Variants in BBOF1 observed in about 807,000 individuals in gnomAD.
The protein encoded by BBOF1 is basal body orientation factor 1.
Under a neutral mutation model 68.0 loss-of-function variants are expected in BBOF1, and 62 were observed. The observed-to-expected ratio is 0.91, with a 90% CI of 0.74 to 1.13. BBOF1 has a LOEUF of 1.13. BBOF1 is among the 50% of genes most tolerant of loss of function. BBOF1 has a pLI of 0.00. For synonymous variants in BBOF1, 208 were observed against 198.8 expected (o/e 1.05, Z -0.39); for missense variants, 534 against 600.1 (o/e 0.89, Z 1.15).
At chr14:74,070,923 GA>G (rs2060540459), downstream of BBOF1, 1 of 452,860 alleles carries the variant, frequency 2.2e-6, no homozygotes, top group Non-Finnish European at 4.1e-6. Context: ...TCACACTGAA[GA>G]AAAAAGTTTC....
chr14:74,066,766 A>G (rs774455890), downstream of BBOF1: 2 of 1,613,878 alleles, frequency 1.2e-6, no homozygotes, highest in African/African-American at 2.7e-5. Flanking sequence ...TTTCACTTTA[A>G]TTTTTCGTCC....
intron 8 of BBOF1, 94 bp downstream of exon 8, chr14:74,050,289 AG>A: frequency 5.1e-6 from 7 of 1,372,870 alleles, no homozygotes; most frequent in Non-Finnish European, 6.9e-6. Context: ...ATAATATTCA[AG>A]TATTGAATAG....
chr14:74,025,905 TG>T (rs202166090), intron 2 of BBOF1, among the ~76,000 whole-genome samples: 30 of 136,074 alleles, frequency 2.2e-4, no homozygotes, highest in South Asian at 9.3e-4. Flanking sequence ...AGTGGCGGGG[TG>T]GGGGGGGTGC....
At position 74,040,593 on chromosome 14, in the gene BBOF1, G is replaced by A. The variant is rs765118998; in HGVS notation, c.524G>A (p.Arg175Gln). 35 of 1,593,664 alleles carry A rather than the reference G, an allele frequency of 2.2e-5. No individual in the cohort carries two copies. The highest frequency in any genetic ancestry group is 1.7e-4 in the Middle Eastern group (1 of 6,004). ...DLKENLRNTE[R>Q]IHQETLRRLE... ...AAAGAGAATTTAAGAAACACAGAGC[G>A]GATACATCAGGAGACTCTTAGAAGA... Residue 175 changes from arginine (R) to glutamine (Q), a missense_variant, in exon 5 of 12, where the codon CGG becomes CAG. Physicochemically the swap from Arg to Gln is conservative, Grantham distance 43. Transcript: ENST00000394009.
chr14:74,075,037 T>C, intron 9 of BBOF1: 3 of 1,612,152 alleles, frequency 1.9e-6, no homozygotes, highest in East Asian at 2.2e-5. Flanking sequence ...AAAAGAACGA[T>C]TATTTTGATA....
At chr14:74,042,108 C>T (rs1028485218) in intron 5 of BBOF1, among the ~76,000 whole-genome samples, 1 of 152,208 alleles carries the variant, frequency 6.6e-6, no homozygotes, top group Non-Finnish European at 1.5e-5. Context: ...CTCCTGGGCT[C>T]CAGCAATCCT....
intron 10 of BBOF1, among the ~76,000 whole-genome samples, chr14:74,078,531 T>C (rs2060637261): frequency 6.6e-6 from 1 of 151,936 alleles, no homozygotes; most frequent in African/African-American, 2.4e-5. Context: ...TTTGCTTTTA[T>C]TATTTTATTT....
At chr14:74,066,164 AG>A (rs1389779797), downstream of BBOF1, 7 of 163,732 alleles carry the variant, frequency 4.3e-5, no homozygotes, top group African/African-American at 1.7e-4. Flanking sequence ...GCCATAAGCT[AG>A]GCAGCAAGAG....
chr14:74,064,736 G>GTCCCTTCC lies in BBOF1; in HGVS notation c.*39_*46dup. 2.5e-6 allele frequency: 4 copies of GTCCCTTCC among 1,612,616 alleles called. No homozygotes were observed. Among genetic ancestry groups the GTCCCTTCC allele is most frequent in the Non-Finnish European group, 3.4e-6 (4 of 1,178,608 alleles). Reference sequence around the variant, plus strand: ...TATGACCTCACAGATGCTGCTGGCAGTCCCTTCCTTGCAGAATCCTTGCTC... The same window carrying GTCCCTTCC: ...TATGACCTCACAGATGCTGCTGGCAGTCCCTTCCTCCCTTCCTTGCAGAATCCTTGCTC... On this transcript the variant is annotated 3_prime_UTR_variant, in exon 12 of 12. Transcript: ENST00000394009.
chr14:74,019,474 C>G lies in BBOF1; in HGVS notation c.-5C>G, dbSNP rs781751834. The G allele has an allele frequency of 2.9e-5, 46 of 1,603,198 alleles. No individual in the cohort carries two copies. The highest frequency in any genetic ancestry group is 8.5e-5 in the Admixed American group (5 of 58,674). Reference sequence around the variant, plus strand: ...TACGACAGCGGAGCCCCTGGGGAAGCCAAGATGCCGTCGAAGGGAAAGGAC... The same window carrying G: ...TACGACAGCGGAGCCCCTGGGGAAGGCAAGATGCCGTCGAAGGGAAAGGAC... On this transcript the variant is annotated 5_prime_UTR_variant, in exon 1 of 12. Coordinates refer to ENST00000394009, the MANE Select transcript of BBOF1 (RefSeq NM_025057.3).
intron 11 of BBOF1, chr14:74,057,562 T>C (rs1566820300): frequency 8.3e-6 from 11 of 1,331,486 alleles, no homozygotes; most frequent in Non-Finnish European, 1.1e-5. Flanking sequence ...ATAGTGACCT[T>C]GTGACTCTTA....
intron 1 of BBOF1, among the ~76,000 whole-genome samples, chr14:74,021,978 A>G (rs914324551): frequency 6.6e-6 from 1 of 152,088 alleles, no homozygotes; most frequent in Admixed American, 6.6e-5. Context: ...TTATACTACC[A>G]ATGGGTATCA....
At chr14:74,022,158 A>G (rs2059316655) in intron 1 of BBOF1, among the ~76,000 whole-genome samples, 1 of 152,066 alleles carries the variant, frequency 6.6e-6, no homozygotes, top group Non-Finnish European at 1.5e-5. Flanking sequence ...AGGATACTTG[A>G]GCCCAGAAGT....
chr14:74,057,303 C>A, intron 11 of BBOF1, 45 bp downstream of exon 11: 1 of 1,613,078 alleles, frequency 6.2e-7, no homozygotes. Flanking sequence ...TGTTGTCACC[C>A]TTCCCCATGT....
At chr14:74,082,398 T>G (rs1293704805) in intron 12 of BBOF1, among the ~76,000 whole-genome samples, 3 of 135,936 alleles carry the variant, frequency 2.2e-5, no homozygotes, top group Non-Finnish European at 3.2e-5. Context: ...TCGAGGTTTT[T>G]TTTTTTTTTT....
At chr14:74,037,997 C>T (rs2059748079) in intron 4 of BBOF1, among the ~76,000 whole-genome samples, 2 of 141,584 alleles carry the variant, frequency 1.4e-5, no homozygotes, top group African/African-American at 2.7e-5. Flanking sequence ...TGTATGTTCC[C>T]ATAGCATTTT....
At chr14:74,034,625 C>T (rs928161584) in intron 4 of BBOF1, among the ~76,000 whole-genome samples, 1 of 152,194 alleles carries the variant, frequency 6.6e-6, no homozygotes, top group African/African-American at 2.4e-5. Flanking sequence ...TTTCTGTGCT[C>T]TTTCTCTTAC....
intron 2 of BBOF1, among the ~76,000 whole-genome samples, chr14:74,028,362 C>CTATA (rs1373312965): frequency 6.6e-6 from 1 of 151,686 alleles, no homozygotes; most frequent in Non-Finnish European, 1.5e-5. Flanking sequence ...GAGTGAGACT[C>CTATA]TGTCTCAAAA....
At chr14:74,080,361 ACT>A (rs2060658219) in intron 10 of BBOF1, among the ~76,000 whole-genome samples, 1 of 135,170 alleles carries the variant, frequency 7.4e-6, no homozygotes, top group Admixed American at 7.8e-5. Context: ...CTAATGTTAA[ACT>A]CTTTCTTTTT....
Sources: allele counts gnomAD v4.1 joint callset (sites outside exome capture counted in the v4.1 genomes callset), GRCh38; gene constraint gnomAD v4.1.1; transcripts MANE v1.5; gene names NCBI Gene and HGNC (gene_info 2026-07-23, HGNC 2026-07-21).